STEAP2: variants seen among roughly 807,000 people sequenced by gnomAD.
STEAP2 encodes STEAP2 metalloreductase, also known as metalloreductase STEAP2.
Under a neutral mutation model 46.4 loss-of-function variants are expected in STEAP2, and 30 were observed. The observed-to-expected ratio is 0.65, with a 90% confidence interval of 0.48 to 0.88. The LOEUF is 0.88. Ranked by LOEUF, STEAP2 falls within the 40% of genes least tolerant of loss-of-function variation. STEAP2 has a pLI of 0.00. For synonymous variants in STEAP2, 180 were observed against 200.5 expected, an observed-to-expected ratio of 0.90 and a Z score of 0.86; for missense variants, 513 against 579.3, an observed-to-expected ratio of 0.89 and a Z score of 1.18.
intron 2 of STEAP2, among the ~76,000 whole-genome samples, chr7:90,217,962 C>T (rs190115571): frequency 6.6e-6 from 1 of 152,086 alleles, no homozygotes; most frequent in Admixed American, 6.6e-5. Flanking sequence ...AATAGCAGTT[C>T]TAATTGGGAT....
Position 90,236,838 on chromosome 7 carries a change from G to T in STEAP2, c.*4214G>T. ...ATCACAAAAGCAGATGCTTTTGTAT[G>T]ATCTCCAAATTGCCAACTTTAAGGA... is the stretch of plus-strand genomic sequence containing the variant. On this transcript the variant is annotated 3_prime_UTR_variant, in exon 6 of 6. Transcript: ENST00000394621. 6.2e-7 allele frequency: 1 copy of T among 1,609,088 alleles called. No homozygotes were observed. Among genetic ancestry groups the T allele is most frequent in the South Asian group, 1.1e-5 (1 of 90,262 alleles).
downstream of STEAP2, among the ~76,000 whole-genome samples, chr7:90,241,439 T>C (rs1469773857): frequency 6.6e-6 from 1 of 152,202 alleles, no homozygotes; most frequent in Non-Finnish European, 1.5e-5. Flanking sequence ...CAAATCAAAA[T>C]AAAAAGTAAT....
chr7:90,238,763 T>C (rs1197664455), downstream of STEAP2, among the ~76,000 whole-genome samples: 1 of 152,160 alleles, frequency 6.6e-6, no homozygotes, highest in Non-Finnish European at 1.5e-5. Flanking sequence ...ACAGTACTTT[T>C]GGTAGTGGAT....
chr7:90,227,760 A>G (rs1434500622), intron 4 of STEAP2, among the ~76,000 whole-genome samples: 1 of 152,132 alleles, frequency 6.6e-6, no homozygotes, highest in Non-Finnish European at 1.5e-5. Context: ...CCCCTTTTTC[A>G]ATGTTATAAT....
rs1795941894 is a variant in STEAP2, at chr7:90,235,737, T to A, written c.*3113T>A. The A allele has an allele frequency of 8.8e-6, 7 of 793,078 alleles. No individual in the cohort carries two copies. Among genetic ancestry groups the A allele is most frequent in the Non-Finnish European group, 1.1e-5 (7 of 654,742 alleles). 49.1% of individuals were successfully genotyped at this position (793,078 alleles called of 1,614,324 possible). A position where few individuals can be genotyped will look rare whatever the true frequency, so the allele number is the denominator to read the frequency against. ...TCTATTAAGAGTATTTAAAATCATA[T>A]TTAAATATGAATCTATTCATGCTAA... is the stretch of plus-strand genomic sequence containing the variant. On this transcript the variant is annotated 3_prime_UTR_variant, in exon 6 of 6. Transcript: ENST00000394621.
In STEAP2 at chr7:90,225,213, C is replaced by A. The variant is rs1466768845; in HGVS notation, c.131C>A (p.Ser44Tyr). The change falls in exon 3 of 6, where the codon TCC becomes TAC. Residue 44 changes from serine (S) to tyrosine (Y), a missense_variant. Physicochemically the swap from Ser to Tyr is moderately radical, Grantham distance 144 (BLOSUM62 -2). Transcript: ENST00000394621. Reference protein sequence around the residue: ...GVIGSGDFAKSLTIRLIRCGY... With the variant: ...GVIGSGDFAKYLTIRLIRCGY... ...ATTGGAAGTGGAGATTTTGCCAAAT[C>A]CTTGACCATTCGACTTATTAGATGC... The A allele has an allele frequency of 1.2e-6, 2 of 1,613,810 alleles. No homozygotes were observed. The highest frequency in any genetic ancestry group is 1.7e-6 in the Non-Finnish European group (2 of 1,179,940).
At chr7:90,212,219 G>C (rs1794840685) in intron 1 of STEAP2, 174 bp downstream of exon 1, 2 of 152,354 alleles carry the variant, frequency 1.3e-5, no homozygotes, top group Admixed American at 6.5e-5. Flanking sequence ...AAAGTGAGAA[G>C]GGTGGAGAAG....
chr7:90,236,028 T>C lies in STEAP2; in HGVS notation c.*3404T>C. 3 of 857,366 alleles carry C rather than the reference T, an allele frequency of 3.5e-6. No homozygotes were observed. Among genetic ancestry groups the C allele is most frequent in the Non-Finnish European group, 4.2e-6 (3 of 713,446 alleles). 53.1% of individuals were successfully genotyped at this position (857,366 alleles called of 1,614,324 possible). ...CTGATAATAGTAACAAGGTATATTA[T>C]ACTTTCATTACAATCAAATTATAGA... is the stretch of plus-strand genomic sequence containing the variant. On this transcript the variant is annotated 3_prime_UTR_variant, in exon 6 of 6. Transcript: ENST00000394621.
Position 90,232,568 on chromosome 7 carries a change from G to T in STEAP2, c.1417G>T (p.Glu473Ter). 6.2e-7 allele frequency: 1 copy of T among 1,613,450 alleles called. No individual in the cohort carries two copies. Among genetic ancestry groups the T allele is most frequent in the East Asian group, 2.2e-5 (1 of 44,870 alleles). ...CTGGGAAAAGAGCCAATTTCTGGAA[G>T]AAGGTATGGGAGGAACAATTCCTCA... ...KGWEKSQFLE[E>*]GMGGTIPHVS... The change falls in exon 6 of 6, where the codon GAA (glutamate) becomes TAA (stop). Residue 473 changes from glutamate (E) to a stop codon, truncating the protein, a stop_gained. Transcript: ENST00000394621. LOFTEE classifies it high-confidence loss of function.
downstream of STEAP2, chr7:90,237,962 T>C: frequency 1.5e-6 from 1 of 660,950 alleles, no homozygotes; most frequent in Non-Finnish European, 2.8e-6. Flanking sequence ...TATAATGTGA[T>C]CTATGATGGA....
chr7:90,236,805 T>C lies in STEAP2; in HGVS notation c.*4181T>C. The C allele has an allele frequency of 8.9e-6, 14 of 1,574,920 alleles. No individual in the cohort carries two copies. In the South Asian group the frequency reaches 1.7e-4, roughly 19 times the overall value. ...GGATTCTTCCAGTGGCCAGATGAGC[T>C]AAATTAAATCACAAAAGCAGATGCT... On this transcript the variant is annotated 3_prime_UTR_variant, in exon 6 of 6. Coordinates refer to ENST00000394621, the MANE Select transcript of STEAP2 (RefSeq NM_001244944.2).
In STEAP2 at chr7:90,229,988, C is replaced by G; in HGVS notation, c.1137C>G (p.Ile379Met). ...TTTCCCTCCTGGCAGTCACTTCTAT[C>G]CCTTCAGTGAGCAATGCTTTAAACT... Reference protein sequence around the residue: ...GLLSLLAVTSIPSVSNALNWR... With the variant: ...GLLSLLAVTSMPSVSNALNWR... The change falls in exon 5 of 6, where the codon ATC becomes ATG. Residue 379 changes from isoleucine (I) to methionine (M), a missense_variant. Physicochemically the swap from Ile to Met is conservative, Grantham distance 10. Coordinates refer to ENST00000394621, the MANE Select transcript of STEAP2 (RefSeq NM_001244944.2). 1 of 1,613,470 alleles carries G rather than the reference C, an allele frequency of 6.2e-7. No homozygotes were observed. Among genetic ancestry groups the G allele is most frequent in the Middle Eastern group, 1.7e-4 (1 of 6,060 alleles).
chr7:90,243,295 G>A, the STEAP2 span, among the ~76,000 whole-genome samples: 2 of 152,152 alleles, frequency 1.3e-5, no homozygotes, highest in African/African-American at 4.8e-5. Flanking sequence ...GAATTTATAT[G>A]TAATTTTAAA....
intron 5 of STEAP2, among the ~76,000 whole-genome samples, chr7:90,231,020 A>T (rs932435639): frequency 3.9e-5 from 6 of 152,014 alleles, no homozygotes; most frequent in Admixed American, 3.9e-4. Context: ...TTATAAATTT[A>T]GATGAGTAAT....
downstream of STEAP2, among the ~76,000 whole-genome samples, chr7:90,239,081 T>A (rs546038552): frequency 6.8e-4 from 103 of 152,346 alleles, no homozygotes; most frequent in African/African-American, 2.4e-3. Context: ...TGGGATCTGT[T>A]ATGGGCTGAA....
chr7:90,214,537 C>T, intron 1 of STEAP2, among the ~76,000 whole-genome samples: 1 of 152,092 alleles, frequency 6.6e-6, no homozygotes, highest in Middle Eastern at 3.2e-3. Flanking sequence ...TTTTCTCCAG[C>T]AACCTTCACC....
In STEAP2 at chr7:90,236,408, T is replaced by C; in HGVS notation, c.*3784T>C. ...AATCCATGACTTAAAACAAGATACA[T>C]ACATAGTATAACACACCTCACAGTG... On this transcript the variant is annotated 3_prime_UTR_variant, in exon 6 of 6. Transcript: ENST00000394621. The C allele has an allele frequency of 1.0e-6, 1 of 985,380 alleles. No homozygotes were observed. 61.0% of individuals were successfully genotyped at this position (985,380 alleles called of 1,614,324 possible).
intron 1 of STEAP2, chr7:90,216,221 G>C (rs1332252449): frequency 1.3e-5 from 2 of 152,194 alleles, no homozygotes; most frequent in Admixed American, 1.3e-4. Context: ...AAGAATCTGA[G>C]TGTGCATTTT....
rs1351494978 is a variant in STEAP2 at position 90,227,208 on chromosome 7, CAG to C, written c.733_734del (p.Ser245Ter). On this transcript the variant is annotated frameshift_variant, in exon 4 of 6. Coordinates refer to ENST00000394621, the MANE Select transcript of STEAP2 (RefSeq NM_001244944.2). Reference protein sequence around the residue: ...DVIHPYARNQQSDFYKIPIEI... With the variant: ...DVIHPYARNQXSDFYKIPIEI... The stretch of plus-strand genomic sequence containing the variant: ...GATTCATCCATATGCTAGAAACCAA[CAG>C]AGTGACTTTTACAAAATTCCTATAG... The C allele has an allele frequency of 3.7e-6, 6 of 1,613,684 alleles. No individual in the cohort carries two copies. The highest frequency in any genetic ancestry group is 5.1e-6 in the Non-Finnish European group (6 of 1,179,842).
Sources: allele counts gnomAD v4.1 joint callset (sites outside exome capture counted in the v4.1 genomes callset), GRCh38; gene constraint gnomAD v4.1.1; transcripts MANE v1.5; gene names NCBI Gene and HGNC (gene_info 2026-07-23, HGNC 2026-07-21).